TCF4: variants seen among roughly 807,000 people sequenced by gnomAD.
TCF4 encodes SL3-3 enhancer factor 2.
A neutral mutation model predicts 82.1 loss-of-function variants in TCF4; 3 were observed. That is an observed-to-expected ratio of 0.04 (90% CI 0.02 to 0.09). TCF4 has a LOEUF of 0.09. TCF4 is among the 10% of genes least tolerant of loss of function. The probability of loss-of-function intolerance (pLI) is 1.00; values close to 1 mark genes in which losing one functional copy is unlikely to be tolerated. For synonymous variants in TCF4, 276 were observed against 309.6 expected (o/e 0.89, Z 1.14); for missense variants, 518 against 852.7 (o/e 0.61, Z 4.89).
intron 3 of TCF4, among the ~76,000 whole-genome samples, chr18:55,539,186 C>A (rs1313242435): frequency 6.6e-6 from 1 of 152,048 alleles, no homozygotes; most frequent in East Asian, 1.9e-4. Flanking sequence ...GATCTATGGG[C>A]CCTAAGGGAT....
At chr18:55,589,220 T>C (rs984284411), upstream of TCF4, 1 of 1,021,326 alleles carries the variant, frequency 9.8e-7, no homozygotes, top group African/African-American at 1.7e-5. Flanking sequence ...TTTGTTTTAA[T>C]AAAACATCGG....
intron 2 of TCF4, among the ~76,000 whole-genome samples, chr18:55,597,607 C>T (rs1365119406): frequency 6.6e-6 from 1 of 151,422 alleles, no homozygotes; most frequent in East Asian, 1.9e-4. Flanking sequence ...GCGGAGGTTG[C>T]AGTGAGCCAA....
rs533217699 is a variant in TCF4, at chr18:55,304,264, A to G, written c.550-24608T>C. ...TATGAAAGAAACATACTAGGCAAGC[A>G]TACAGAAATGACTGAACACCAGAAA... On this transcript the variant is annotated intron_variant, in intron 8 of 19. Transcript: ENST00000354452. Among the ~76,000 whole-genome samples, 4 of 152,338 alleles carry G rather than the reference A, an allele frequency of 2.6e-5. No individual in the cohort carries two copies. The East Asian group carries it at 7.7e-4, about 29-fold the overall frequency.
chr18:55,366,893 A>G (rs960522547), intron 6 of TCF4, among the ~76,000 whole-genome samples: 7 of 152,184 alleles, frequency 4.6e-5, no homozygotes, highest in African/African-American at 9.7e-5. Flanking sequence ...TTCCATATAC[A>G]TATACATTTC....
chr18:55,303,578 G>A (rs2069117344), intron 8 of TCF4, among the ~76,000 whole-genome samples: 1 of 152,162 alleles, frequency 6.6e-6, no homozygotes. Context: ...GAATTTTGGA[G>A]AAGGTATCAT....
chr18:55,365,191 A>ATATATATATATATATATATATATATATG (rs1361444592), intron 6 of TCF4, among the ~76,000 whole-genome samples: 1 of 97,956 alleles, frequency 1.0e-5, no homozygotes, highest in Non-Finnish European at 1.9e-5. Flanking sequence ...ATATATATAT[A>ATATATATATATATATATATATATATATG]TGTGTGTGTG....
intron 8 of TCF4, among the ~76,000 whole-genome samples, chr18:55,320,145 C>CT (rs2075133169): frequency 6.6e-6 from 1 of 150,886 alleles, no homozygotes; most frequent in South Asian, 2.1e-4. Context: ...AGGCAAAAGT[C>CT]TTATCTATAT....
chr18:55,360,668 T>C (rs531745655), intron 6 of TCF4, among the ~76,000 whole-genome samples: 204 of 151,948 alleles, frequency 1.3e-3, no homozygotes, highest in African/African-American at 4.5e-3. Flanking sequence ...AGTAAAATTT[T>C]ATTTATAAAA....
At chr18:55,609,325 G>A (rs2097705023) in intron 2 of TCF4, among the ~76,000 whole-genome samples, 1 of 152,106 alleles carries the variant, frequency 6.6e-6, no homozygotes, top group Admixed American at 6.5e-5. Flanking sequence ...TCATACGGGG[G>A]GCAGGTTTTT....
chr18:55,589,437 G>A (rs187760363), upstream of TCF4: 2,508 of 1,055,574 alleles, frequency 2.4e-3, 13 homozygotes, highest in Middle Eastern at 0.021. Context: ...CTGCTCCAGG[G>A]ATATCCACAG....
chr18:55,549,330 TA>T lies in TCF4; in HGVS notation c.145+35949del, dbSNP rs998201760. Among the ~76,000 whole-genome samples, 409 of 142,702 alleles carry T rather than the reference TA, an allele frequency of 2.9e-3. 1 individual carries two copies. Among genetic ancestry groups the T allele is most frequent in the African/African-American group, 7.5e-3 (293 of 39,036 alleles). The allele number at this position is 142,702 out of a possible 152,430, so 93.6% of individuals were successfully genotyped here. On this transcript the variant is annotated intron_variant, in intron 3 of 19. Transcript: ENST00000354452. ...AGAAAAAAGATTTTTCTTGCTTTAA[TA>T]AAAAAAAAAAAATTGACCTTAGCTT... is the stretch of plus-strand genomic sequence containing the variant.
At position 55,254,478 on chromosome 18, in the gene TCF4, T is replaced by C; in HGVS notation, c.1350+19A>G. On this transcript the variant is annotated intron_variant, in intron 15 of 19. Coordinates refer to ENST00000354452, the MANE Select transcript of TCF4 (RefSeq NM_001083962.2). ...AACTCTATATGATAACTATAGAGTC[T>C]ATAAATTTCATCACTTACCATGAGT... The C allele has an allele frequency of 6.2e-7, 1 of 1,611,120 alleles. No homozygotes were observed.
At chr18:55,502,162 G>A (rs533470701) in intron 3 of TCF4, among the ~76,000 whole-genome samples, 2 of 152,204 alleles carry the variant, frequency 1.3e-5, no homozygotes, top group South Asian at 2.1e-4. Context: ...AATGCATGAC[G>A]ATGAAAAGTT....
intron 5 of TCF4, among the ~76,000 whole-genome samples, chr18:55,457,141 C>T (rs976611661): frequency 7.9e-5 from 12 of 152,164 alleles, no homozygotes; most frequent in African/African-American, 2.9e-4. Context: ...CTGCCAACAT[C>T]AAAACAAACA....
At chr18:55,315,365 A>G (rs114433177) in intron 8 of TCF4, among the ~76,000 whole-genome samples, 1,528 of 152,308 alleles carry the variant, frequency 0.01, 28 homozygotes, top group Middle Eastern at 0.037. Flanking sequence ...AATTAGGAAG[A>G]ATAGGAAGAA....
intron 5 of TCF4, among the ~76,000 whole-genome samples, chr18:55,414,227 T>G (rs2094450402): frequency 1.3e-5 from 2 of 151,838 alleles, no homozygotes; most frequent in South Asian, 4.2e-4. Context: ...TCAAAGTAAG[T>G]AAAGACTATT....
At chr18:55,570,022 A>G (rs1260756513) in intron 3 of TCF4, among the ~76,000 whole-genome samples, 1 of 152,178 alleles carries the variant, frequency 6.6e-6, no homozygotes, top group Non-Finnish European at 1.5e-5. Context: ...TACAGTTATA[A>G]CATTTATTAT....
Position 55,259,941 on chromosome 18 carries a change from T to A in TCF4, c.1069+8A>T. On this transcript the variant is annotated splice_region_variant and intron_variant, in intron 13 of 19. Coordinates refer to ENST00000354452, the MANE Select transcript of TCF4 (RefSeq NM_001083962.2). The stretch of plus-strand genomic sequence containing the variant: ...TTATATGATGAAATGGGATTTGAAA[T>A]ACACTACCTGAGAGAGATGGAGGAG... 1.2e-6 allele frequency: 2 copies of A among 1,606,656 alleles called. No homozygotes were observed. The highest frequency in any genetic ancestry group is 1.7e-6 in the Non-Finnish European group (2 of 1,173,608).
chr18:55,305,113 A>G (rs759819573), intron 8 of TCF4, among the ~76,000 whole-genome samples: 3 of 152,208 alleles, frequency 2.0e-5, no homozygotes, highest in Non-Finnish European at 4.4e-5. Context: ...CATGTGGGAC[A>G]TCACCAATTT....
Sources: gnomAD v4.1 joint callset for allele counts (sites outside exome capture counted in the v4.1 genomes callset) on GRCh38, gnomAD v4.1.1 for gene constraint, MANE v1.5 for transcripts, NCBI Gene and HGNC (gene_info 2026-07-23, HGNC 2026-07-21) for gene names.